Variants in AADACL4 observed in about 807,000 individuals in gnomAD.
AADACL4 encodes arylacetamide deacetylase-like 4.
A neutral mutation model predicts 14.1 loss-of-function variants in AADACL4; 9 were observed. The ratio of observed to expected loss-of-function variants is 0.64; its 90% confidence interval spans 0.39 to 1.12. The LOEUF (loss-of-function observed/expected upper bound fraction) is 1.12. Ranked by LOEUF, AADACL4 falls within the 50% of genes most tolerant of loss-of-function variation. The pLI is 0.01. For missense variants in AADACL4, 531 were observed against 516.1 expected (o/e 1.03, Z -0.28); for synonymous variants, 188 against 201.6 (o/e 0.93, Z 0.57).
In AADACL4 at chr1:12,661,319, T is replaced by C. The variant is rs548636202; in HGVS notation, c.386-472T>C. 3.9e-5 allele frequency among the ~76,000 whole-genome samples: 6 copies of C among 152,354 alleles called. No homozygotes were observed. The South Asian group carries it at 1.0e-3, about 26-fold the overall frequency. The stretch of plus-strand genomic sequence containing the variant: ...AAGTGTATTTGGCAGTGATTCTGTG[T>C]CTGCCACTGTGCTAGTATGTTCTAC... On this transcript the variant is annotated intron_variant, in intron 2 of 3. Coordinates refer to ENST00000376221, the MANE Select transcript of AADACL4 (RefSeq NM_001013630.2).
rs1553146865 is a variant in AADACL4, at chr1:12,648,346, A to ATCCATCCT, written c.169-2774_169-2773insATCCTTCC. 2.0e-3 allele frequency among the ~76,000 whole-genome samples: 285 copies of ATCCATCCT among 140,570 alleles called. 2 individuals carry two copies. The highest frequency in any genetic ancestry group is 6.5e-3 in the African/African-American group (232 of 35,460). The allele number at this position is 140,570 out of a possible 152,430, so 92.2% of individuals were successfully genotyped here. On this transcript the variant is annotated intron_variant, in intron 1 of 3. Coordinates refer to ENST00000376221, the MANE Select transcript of AADACL4 (RefSeq NM_001013630.2). The stretch of plus-strand genomic sequence containing the variant: ...AGCTATTTAAAATTCTGGACCTCAG[A>ATCCATCCT]TCCTTCCTTCCTTCCTTCCTTCCTT...
At chr1:12,655,750 T>C (rs972382812) in intron 2 of AADACL4, among the ~76,000 whole-genome samples, 5 of 152,138 alleles carry the variant, frequency 3.3e-5, no homozygotes, top group African/African-American at 1.2e-4. Context: ...TTCAGCCCTG[T>C]CCCTATTATT....
chr1:12,667,042 A>T lies in AADACL4; in HGVS notation c.*307A>T, dbSNP rs970615890. The T allele has an allele frequency of 1.1e-5, 5 of 466,130 alleles. No individual in the cohort carries two copies. The highest frequency in any genetic ancestry group is 1.9e-5 in the Non-Finnish European group (5 of 267,462). The allele number at this position is 466,130 out of a possible 1,614,324, so 28.9% of individuals were successfully genotyped here. The stretch of plus-strand genomic sequence containing the variant: ...TAAAAATTTCTCAAAGCCCCAACAT[A>T]TAAGATCTGTGCAGAATAAATGCCA... On this transcript the variant is annotated 3_prime_UTR_variant, in exon 4 of 4. Coordinates refer to ENST00000376221, the MANE Select transcript of AADACL4 (RefSeq NM_001013630.2).
chr1:12,659,849 C>T (rs1266298718), intron 2 of AADACL4, among the ~76,000 whole-genome samples: 8 of 151,936 alleles, frequency 5.3e-5, no homozygotes, highest in African/African-American at 1.7e-4. Context: ...GACAGGATCT[C>T]ACTCTGTTGT....
chr1:12,666,235 C>T lies in AADACL4; in HGVS notation c.724C>T (p.Pro242Ser). Reference sequence around the variant, plus strand: ...ATCCTTTCAGCAGAACCAAAATGTCCCATTACTTTCCCGGAAGTTCATGGT... The same window carrying T: ...ATCCTTTCAGCAGAACCAAAATGTCTCATTACTTTCCCGGAAGTTCATGGT... ...LPSFQQNQNV[P>S]LLSRKFMVTS... Residue 242 changes from proline (P) to serine (S), a missense_variant, in exon 4 of 4, where the codon CCA (proline) becomes TCA (serine). Transcript: ENST00000376221. 1 of 1,614,236 alleles carries T rather than the reference C, an allele frequency of 6.2e-7. No individual in the cohort carries two copies. Among genetic ancestry groups the T allele is most frequent in the Non-Finnish European group, 8.5e-7 (1 of 1,180,042 alleles).
In AADACL4 at chr1:12,666,783, C is replaced by G; in HGVS notation, c.*48C>G. On this transcript the variant is annotated 3_prime_UTR_variant, in exon 4 of 4. Coordinates refer to ENST00000376221, the MANE Select transcript of AADACL4 (RefSeq NM_001013630.2). ...AGGAAGGGGCAAGTATGGACTCTAC[C>G]AGAAACCGGGTGCTTTAGTGAGTTC... 6.6e-7 allele frequency: 1 copy of G among 1,517,634 alleles called. No homozygotes were observed. The highest frequency in any genetic ancestry group is 8.8e-7 in the Non-Finnish European group (1 of 1,136,586). The allele number at this position is 1,517,634 out of a possible 1,614,324, so 94.0% of individuals were successfully genotyped here. A position where few individuals can be genotyped will look rare whatever the true frequency, so the allele number is the denominator to read the frequency against.
chr1:12,658,127 C>CTTTCTTTCTTTCTTTCTTT (rs1557550825), intron 2 of AADACL4, among the ~76,000 whole-genome samples: 23 of 119,490 alleles, frequency 1.9e-4, no homozygotes, highest in African/African-American at 1.1e-3. Context: ...TTCCTTCCTT[C>CTTTCTTTCTTTCTTTCTTT]CTTCCTTCCT....
rs778615953 is a variant in AADACL4, at chr1:12,666,415, T to C, written c.904T>C (p.Trp302Arg). The C allele has an allele frequency of 6.2e-7, 1 of 1,614,166 alleles. No individual in the cohort carries two copies. The highest frequency in any genetic ancestry group is 1.1e-5 in the South Asian group (1 of 91,088). ...ATTTAAGAACAGAGGCTACCAACCC[T>C]GGTCTCCCGGCCCTTTTAATGAAGC... is the stretch of plus-strand genomic sequence containing the variant. ...KKFKNRGYQP[W>R]SPGPFNEAAY... Residue 302 changes from tryptophan to arginine, a missense_variant, in exon 4 of 4, where the codon TGG becomes CGG. Trp to Arg is a moderately radical substitution (Grantham distance 101). Coordinates refer to ENST00000376221, the MANE Select transcript of AADACL4 (RefSeq NM_001013630.2).
At chr1:12,653,753 G>T (rs934003527) in intron 2 of AADACL4, among the ~76,000 whole-genome samples, 2 of 152,162 alleles carry the variant, frequency 1.3e-5, no homozygotes, top group African/African-American at 2.4e-5. Context: ...GACAAGGTCT[G>T]GTTCCCTGGG....
rs139448447 is a variant in AADACL4, at chr1:12,651,156, A to G, written c.202A>G (p.Met68Val). 1 of 1,614,226 alleles carries G rather than the reference A, an allele frequency of 6.2e-7. No homozygotes were observed. Among genetic ancestry groups the G allele is most frequent in the East Asian group, 2.2e-5 (1 of 44,886 alleles). ...NIFEKLGICS[M>V]PKFIRFLHDS... ...ATTTGAGAAGCTGGGAATTTGCTCC[A>G]TGCCCAAATTTATTCGTTTTTTACA... Residue 68 changes from methionine to valine, a missense_variant, in exon 2 of 4, where the codon ATG becomes GTG. Transcript: ENST00000376221.
intron 1 of AADACL4, 62 bp downstream of exon 1, chr1:12,644,776 A>G: frequency 1.3e-6 from 2 of 1,527,768 alleles, no homozygotes. Flanking sequence ...TCAGTACCTT[A>G]CCCTCTTTTC....
At chr1:12,657,140 C>CAAAAAAAAAAAAAAAAAAAAAAAAAAAAA (rs59777423) in intron 2 of AADACL4, among the ~76,000 whole-genome samples, 1 of 51,122 alleles carries the variant, frequency 2.0e-5, no homozygotes, top group African/African-American at 6.2e-5. Flanking sequence ...AAGACTGTCT[C>CAAAAAAAAAAAAAAAAAAAAAAAAAAAAA]AAAAAAAAAA....
intron 2 of AADACL4, among the ~76,000 whole-genome samples, chr1:12,656,180 C>T (rs1647178218): frequency 6.6e-6 from 1 of 152,178 alleles, no homozygotes; most frequent in Non-Finnish European, 1.5e-5. Context: ...GGGAAAATAA[C>T]AGTATGGTTC....
At chr1:12,653,637 TCC>T (rs1647163178) in intron 2 of AADACL4, among the ~76,000 whole-genome samples, 1 of 152,212 alleles carries the variant, frequency 6.6e-6, no homozygotes, top group Non-Finnish European at 1.5e-5. Flanking sequence ...TGAGCGCAAA[TCC>T]TGGGATCCAA....
intron 1 of AADACL4, among the ~76,000 whole-genome samples, chr1:12,648,323 C>T (rs116516414): frequency 2.0e-5 from 3 of 150,330 alleles, no homozygotes; most frequent in Admixed American, 6.6e-5. Flanking sequence ...GTTTCAACAG[C>T]TATTTAAAAT....
intron 2 of AADACL4, among the ~76,000 whole-genome samples, chr1:12,653,374 TA>T (rs1478170622): frequency 6.6e-6 from 1 of 152,198 alleles, no homozygotes; most frequent in Non-Finnish European, 1.5e-5. Context: ...ATAAGACAGC[TA>T]TTGGAGGACC....
intron 3 of AADACL4, among the ~76,000 whole-genome samples, chr1:12,663,712 T>G (rs943414602): frequency 6.6e-6 from 1 of 151,980 alleles, no homozygotes; most frequent in African/African-American, 2.4e-5. Flanking sequence ...CATGTTGGAG[T>G]CATATATTCA....
intron 1 of AADACL4, among the ~76,000 whole-genome samples, chr1:12,648,560 GT>G (rs113386512): frequency 1.6e-3 from 225 of 139,408 alleles, no homozygotes; most frequent in East Asian, 7.1e-3. Flanking sequence ...CTGTGCCTGG[GT>G]TTTTTTTTTT....
chr1:12,662,371 G>A (rs116600668), intron 3 of AADACL4, among the ~76,000 whole-genome samples: 1 of 152,144 alleles, frequency 6.6e-6, no homozygotes. Flanking sequence ...AAGCAAAATG[G>A]CATGATGGTG....
Sources: allele counts gnomAD v4.1 joint callset (sites outside exome capture counted in the v4.1 genomes callset), GRCh38; gene constraint gnomAD v4.1.1; transcripts MANE v1.5; gene names NCBI Gene and HGNC (gene_info 2026-07-23, HGNC 2026-07-21).